ASTN2: variants seen among roughly 807,000 people sequenced by gnomAD.
The protein encoded by ASTN2 is astrotactin-2.
ASTN2 carries 54 observed loss-of-function variants against 139.8 expected under a neutral mutation model. The ratio of observed to expected loss-of-function variants is 0.39; its 90% CI spans 0.31 to 0.48. The LOEUF (loss-of-function observed/expected upper bound fraction) is 0.48. Ranked by LOEUF, ASTN2 falls within the 20% of genes least tolerant of loss-of-function variation. ASTN2 has a pLI of 0.95. For synonymous variants in ASTN2, 756 were observed against 719.5 expected (o/e 1.05, Z -0.81); for missense variants, 1,565 against 1,725.1 (o/e 0.91, Z 1.64).
intron 1 of ASTN2, among the ~76,000 whole-genome samples, chr9:117,312,566 T>C (rs1828007933): frequency 6.6e-6 from 1 of 152,188 alleles, no homozygotes; most frequent in Admixed American, 6.5e-5. Context: ...GATATTACTT[T>C]AGAAAAATTA....
intron 1 of ASTN2, among the ~76,000 whole-genome samples, chr9:117,406,494 A>G (rs1242696143): frequency 6.6e-6 from 1 of 151,576 alleles, no homozygotes; most frequent in Non-Finnish European, 1.5e-5. Flanking sequence ...CCCCTCCTCC[A>G]CCACCACTTG....
In ASTN2 at chr9:116,997,946, T is replaced by C. The variant is rs56758002; in HGVS notation, c.1591+10146A>G. Among the ~76,000 whole-genome samples the C allele has an allele frequency of 2.5e-3, 377 of 152,314 alleles. 3 individuals carry two copies. The highest frequency in any genetic ancestry group is 8.0e-3 in the African/African-American group (332 of 41,572). The stretch of plus-strand genomic sequence containing the variant: ...TGTCTAACACTCCATCTGCTATATA[T>C]AGATAATGAATCTGCATTGAATGGA... On this transcript the variant is annotated intron_variant, in intron 7 of 22. Coordinates refer to ENST00000313400, the MANE Select transcript of ASTN2 (RefSeq NM_001365068.1).
chr9:116,982,256 C>G (rs1230894300), intron 7 of ASTN2, among the ~76,000 whole-genome samples: 1 of 152,206 alleles, frequency 6.6e-6, no homozygotes, highest in Admixed American at 6.5e-5. Context: ...ATTGATTCTT[C>G]TCTCCCTGAG....
intron 16 of ASTN2, among the ~76,000 whole-genome samples, chr9:116,675,537 C>CAGGAGGATTTCG (rs1183197065): frequency 6.6e-6 from 1 of 152,124 alleles, no homozygotes; most frequent in Non-Finnish European, 1.5e-5. Context: ...ACTTCTCATT[C>CAGGAGGATTTCG]AGGAGGATTT....
intron 20 of ASTN2, among the ~76,000 whole-genome samples, chr9:116,462,409 T>C (rs1298083077): frequency 2.0e-5 from 3 of 152,202 alleles, no homozygotes; most frequent in Admixed American, 6.5e-5. Context: ...GCTCTTAACC[T>C]TCTGCCATGC....
chr9:116,969,352 A>G (rs1216684816), intron 10 of ASTN2, among the ~76,000 whole-genome samples: 1 of 152,164 alleles, frequency 6.6e-6, no homozygotes, highest in Non-Finnish European at 1.5e-5. Flanking sequence ...TGGAGCTAAT[A>G]ATGAGTAAAG....
At chr9:117,303,152 T>A (rs1415364238) in intron 1 of ASTN2, among the ~76,000 whole-genome samples, 1 of 152,082 alleles carries the variant, frequency 6.6e-6, no homozygotes, top group Non-Finnish European at 1.5e-5. Flanking sequence ...CATCCCTAAT[T>A]CTCATGACTT....
intron 1 of ASTN2, among the ~76,000 whole-genome samples, chr9:117,398,164 T>C (rs1828566096): frequency 6.6e-6 from 1 of 152,170 alleles, no homozygotes; most frequent in South Asian, 2.1e-4. Context: ...CTACAGGAAA[T>C]CTTGAGATAG....
chr9:116,646,651 T>C (rs1326673561), intron 17 of ASTN2, among the ~76,000 whole-genome samples: 3 of 152,134 alleles, frequency 2.0e-5, no homozygotes, highest in Admixed American at 1.3e-4. Context: ...TAGGCTGTCA[T>C]GACACTTTAA....
intron 13 of ASTN2, among the ~76,000 whole-genome samples, chr9:116,790,061 G>T (rs934396831): frequency 6.6e-6 from 1 of 151,546 alleles, no homozygotes; most frequent in African/African-American, 2.4e-5. Context: ...GAGTAGTTTG[G>T]ATTACAGGCA....
chr9:116,684,535 T>C (rs1002237625), intron 16 of ASTN2, among the ~76,000 whole-genome samples: 19 of 152,168 alleles, frequency 1.2e-4, no homozygotes, highest in Admixed American at 1.3e-4. Context: ...CTAGGACTCA[T>C]TATTTACCTT....
chr9:117,044,077 C>T (rs1000050562), intron 5 of ASTN2, among the ~76,000 whole-genome samples: 3 of 151,972 alleles, frequency 2.0e-5, no homozygotes, highest in South Asian at 2.1e-4. Context: ...GTGTCTAATG[C>T]CAAGCAAAGA....
chr9:117,277,899 C>A (rs910620905), intron 2 of ASTN2, among the ~76,000 whole-genome samples: 4 of 152,182 alleles, frequency 2.6e-5, no homozygotes, highest in Admixed American at 6.5e-5. Context: ...CTGATAGATT[C>A]ATTTTCACCT....
rs137872995 is a variant in ASTN2 at position 116,836,891 on chromosome 9, AT to A, written c.2041-16109del. Among the ~76,000 whole-genome samples the A allele has an allele frequency of 5.4e-4, 81 of 150,112 alleles. No individual in the cohort carries two copies. The East Asian group carries it at 9.7e-3, about 18-fold the overall frequency. ...CCCTAGAGCTAAGAATGGCTTTTAC[AT>A]TTTTTTTTTAAAAGAACATGAGACA... On this transcript the variant is annotated intron_variant, in intron 11 of 22. Transcript: ENST00000313400.
intron 5 of ASTN2, among the ~76,000 whole-genome samples, chr9:117,059,812 A>C (rs911976937): frequency 6.6e-6 from 1 of 152,154 alleles, no homozygotes; most frequent in Non-Finnish European, 1.5e-5. Context: ...AAATACTTAT[A>C]AAGTTTCCAT....
chr9:116,626,155 T>A (rs1226639853), intron 17 of ASTN2, among the ~76,000 whole-genome samples: 1 of 37,598 alleles, frequency 2.7e-5, no homozygotes, highest in Non-Finnish European at 4.5e-5. Flanking sequence ...AGTTTTTGTG[T>A]TTTTTTTTTT....
At chr9:116,634,589 CAAAAAAAAAAA>C (rs57882262) in intron 17 of ASTN2, among the ~76,000 whole-genome samples, 17,694 of 104,260 alleles carry the variant, frequency 0.17, 1,430 homozygotes, top group East Asian at 0.42. Context: ...GACTCCGTCT[CAAAAAAAAAAA>C]AAAAAAAAAA....
chr9:117,207,300 C>T (rs1403639740), intron 3 of ASTN2, among the ~76,000 whole-genome samples: 4 of 152,186 alleles, frequency 2.6e-5, no homozygotes, highest in Non-Finnish European at 5.9e-5. Context: ...CGCCCCAAAC[C>T]AGCCAAGCAA....
chr9:116,681,363 T>G (rs996400869), intron 16 of ASTN2, among the ~76,000 whole-genome samples: 12 of 152,048 alleles, frequency 7.9e-5, no homozygotes, highest in South Asian at 4.2e-4. Flanking sequence ...CACTGCTCAA[T>G]GAAATAAAAG....
Sources: allele counts gnomAD v4.1 joint callset (sites outside exome capture counted in the v4.1 genomes callset), GRCh38; gene constraint gnomAD v4.1.1; transcripts MANE v1.5; gene names NCBI Gene and HGNC (gene_info 2026-07-23, HGNC 2026-07-21).